The following KIAA0825 variants were observed in gnomAD, a reference collection of about 807,000 sequenced individuals.
The protein encoded by KIAA0825 is KIAA0825.
In KIAA0825, 119 loss-of-function variants were observed where a neutral mutation model predicts 147.6. That is an observed-to-expected ratio of 0.81 (90% CI 0.69 to 0.94). The LOEUF is 0.94. KIAA0825 is among the 40% of genes least tolerant of loss of function. The pLI, the probability that KIAA0825 is intolerant of heterozygous loss-of-function variation, is 0.00. For missense variants in KIAA0825, 1,381 were observed against 1,472.7 expected (o/e 0.94, Z 1.02); for synonymous variants, 470 against 518.1 (o/e 0.91, Z 1.26).
intron 16 of KIAA0825, among the ~76,000 whole-genome samples, chr5:94,399,295 A>G (rs1472129401): frequency 3.3e-5 from 5 of 152,064 alleles, no homozygotes; most frequent in Non-Finnish European, 7.4e-5. Context: ...CTTTGACTTG[A>G]AAGATTGTAT....
At position 94,406,769 on chromosome 5, in the gene KIAA0825, G is replaced by A. The variant is rs1465185845; in HGVS notation, c.2663-2976C>T. Among the ~76,000 whole-genome samples the A allele has an allele frequency of 2.6e-5, 4 of 152,150 alleles. No homozygotes were observed. In the East Asian group the frequency reaches 5.8e-4, roughly 22 times the overall value. The stretch of plus-strand genomic sequence containing the variant: ...CAAGTTCTACTATGGCCTTGAAAAC[G>A]AGCAGCCTTGAAGCCATGGTAGTTA... On this transcript the variant is annotated intron_variant, in intron 15 of 20. Transcript: ENST00000682413.
At chr5:94,529,791 A>G (rs909602536) in intron 3 of KIAA0825, among the ~76,000 whole-genome samples, 1 of 152,206 alleles carries the variant, frequency 6.6e-6, no homozygotes, top group African/African-American at 2.4e-5. Context: ...TGTTCTATTC[A>G]TCTAACTTTA....
Position 94,523,962 on chromosome 5 carries a change from G to T in KIAA0825, c.268C>A (p.His90Asn). ...TTGAAAAATTTTATCAAGTCTCCAT[G>T]AGAAATGAAAGATGATTCAGATGTA... ...YSTSESSFISHGDLIKFFKTL... is the reference protein window; with the variant it reads ...YSTSESSFISNGDLIKFFKTL... The change falls in exon 4 of 21, where the codon CAT becomes AAT. Residue 90 changes from histidine (H) to asparagine (N), a missense_variant. Coordinates refer to ENST00000682413, the MANE Select transcript of KIAA0825 (RefSeq NM_001145678.3). 4 of 1,601,644 alleles carry T rather than the reference G, an allele frequency of 2.5e-6. No homozygotes were observed. In the South Asian group the frequency reaches 3.4e-5, roughly 14 times the overall value.
chr5:94,503,460 A>C (rs1031043189), intron 5 of KIAA0825, among the ~76,000 whole-genome samples: 6 of 152,144 alleles, frequency 3.9e-5, no homozygotes, highest in African/African-American at 1.4e-4. Flanking sequence ...AAGTGAATCC[A>C]CTTCTTCTCT....
intron 18 of KIAA0825, among the ~76,000 whole-genome samples, chr5:94,389,555 A>G (rs1054340727): frequency 6.6e-6 from 1 of 152,208 alleles, no homozygotes; most frequent in Non-Finnish European, 1.5e-5. Flanking sequence ...CTTTGTCTCT[A>G]TGAATGGCAC....
At chr5:94,230,996 G>C (rs1774644515) in intron 20 of KIAA0825, among the ~76,000 whole-genome samples, 1 of 152,142 alleles carries the variant, frequency 6.6e-6, no homozygotes, top group African/African-American at 2.4e-5. Context: ...TAATGAGATA[G>C]AAGATGGGCC....
intron 20 of KIAA0825, among the ~76,000 whole-genome samples, chr5:94,332,841 C>T (rs1347233037): frequency 6.6e-6 from 1 of 152,140 alleles, no homozygotes; most frequent in East Asian, 1.9e-4. Context: ...TTTACACTCC[C>T]ACCAACAGTG....
intron 20 of KIAA0825, among the ~76,000 whole-genome samples, chr5:94,376,186 G>A (rs1747543368): frequency 6.6e-6 from 1 of 152,142 alleles, no homozygotes; most frequent in Non-Finnish European, 1.5e-5. Context: ...TATGTTTGCT[G>A]TCTTTATTAT....
intron 2 of KIAA0825, chr5:94,569,520 T>G (rs1359336061): frequency 2.4e-6 from 1 of 410,620 alleles, no homozygotes; most frequent in East Asian, 3.6e-5. Context: ...CATCGTTGTA[T>G]TTCAACTACA....
At chr5:94,181,160 C>T (rs889102762) in intron 20 of KIAA0825, among the ~76,000 whole-genome samples, 11 of 152,130 alleles carry the variant, frequency 7.2e-5, no homozygotes, top group Admixed American at 2.0e-4. Context: ...TTTTGAAATA[C>T]TAATTTTAGC....
chr5:94,592,991 T>C (rs1287202513), intron 1 of KIAA0825: 1 of 605,882 alleles, frequency 1.7e-6, no homozygotes, highest in Admixed American at 2.3e-5. Context: ...TTTAATATAC[T>C]TTGGAAGCTT....
intron 19 of KIAA0825, among the ~76,000 whole-genome samples, chr5:94,384,995 A>T (rs1748948627): frequency 6.6e-6 from 1 of 152,208 alleles, no homozygotes; most frequent in Admixed American, 6.5e-5. Flanking sequence ...TATATAAGTG[A>T]TTCCTTTTTC....
chr5:94,184,896 G>A (rs1461931796), intron 20 of KIAA0825, among the ~76,000 whole-genome samples: 6 of 152,164 alleles, frequency 3.9e-5, no homozygotes, highest in Non-Finnish European at 8.8e-5. Flanking sequence ...AAAACTGGCA[G>A]CTGGGTGTAT....
At chr5:94,525,118 C>T (rs995207531) in intron 3 of KIAA0825, among the ~76,000 whole-genome samples, 1 of 151,746 alleles carries the variant, frequency 6.6e-6, no homozygotes, top group Non-Finnish European at 1.5e-5. Flanking sequence ...AAACACCTCA[C>T]CAAAAATTGA....
intron 17 of KIAA0825, among the ~76,000 whole-genome samples, chr5:94,393,743 GTATATC>G (rs1324598294): frequency 6.6e-6 from 1 of 151,974 alleles, no homozygotes; most frequent in Non-Finnish European, 1.5e-5. Context: ...TCCTCACAGT[GTATATC>G]TATGAGTAAA....
chr5:94,414,063 G>GC (rs1753106586), intron 15 of KIAA0825: 1 of 152,122 alleles, frequency 6.6e-6, no homozygotes, highest in Non-Finnish European at 1.5e-5. Flanking sequence ...CTTCTTAAAG[G>GC]TCTTTATGAG....
At chr5:94,608,464 T>TAA (rs1168359016) in intron 1 of KIAA0825, among the ~76,000 whole-genome samples, 1 of 18,330 alleles carries the variant, frequency 5.5e-5, no homozygotes, top group Non-Finnish European at 9.6e-5. Flanking sequence ...TATATATATA[T>TAA]TATATATATA....
At chr5:94,595,432 T>C (rs532674256) in intron 1 of KIAA0825, among the ~76,000 whole-genome samples, 14 of 152,156 alleles carry the variant, frequency 9.2e-5, no homozygotes, top group Non-Finnish European at 1.2e-4. Flanking sequence ...ACAGCTGGCA[T>C]ACAGGGCACC....
chr5:94,229,849 GGT>G (rs1158492120), intron 20 of KIAA0825, among the ~76,000 whole-genome samples: 3 of 151,946 alleles, frequency 2.0e-5, no homozygotes, highest in Non-Finnish European at 4.4e-5. Context: ...ATCTAATGCA[GGT>G]GTGTCTTCAG....
Sources: gnomAD v4.1 joint callset for allele counts (sites outside exome capture counted in the v4.1 genomes callset) on GRCh38, gnomAD v4.1.1 for gene constraint, MANE v1.5 for transcripts, NCBI Gene and HGNC (gene_info 2026-07-23, HGNC 2026-07-21) for gene names.